SEPTIN4: variants seen among roughly 807,000 people sequenced by gnomAD.
SEPTIN4 encodes the protein septin-4.
A neutral mutation model predicts 107.1 loss-of-function variants in SEPTIN4; 52 were observed. The ratio of observed to expected loss-of-function variants is 0.49; its 90% confidence interval spans 0.39 to 0.61. SEPTIN4 has a LOEUF of 0.61. SEPTIN4 is among the 20% of genes least tolerant of loss of function. The pLI, the probability that SEPTIN4 is intolerant of heterozygous loss-of-function variation, is 0.00. For missense variants in SEPTIN4, 1,048 were observed against 1,243.5 expected, an observed-to-expected ratio of 0.84 and a Z score of 2.36; for synonymous variants, 417 against 467.0, an observed-to-expected ratio of 0.89 and a Z score of 1.38.
At chr17:58,529,487 C>T in intron 3 of SEPTIN4, 1 of 1,267,132 alleles carries the variant, frequency 7.9e-7, no homozygotes, top group Non-Finnish European at 1.0e-6. Flanking sequence ...ATGACGCCTG[C>T]CTGCTGCCTA....
Position 58,521,500 on chromosome 17 carries a change from C to T in SEPTIN4, c.2571+45G>A. 1 of 1,604,060 alleles carries T rather than the reference C, an allele frequency of 6.2e-7. No homozygotes were observed. Among genetic ancestry groups the T allele is most frequent in the Non-Finnish European group, 8.5e-7 (1 of 1,171,856 alleles). On this transcript the variant is annotated intron_variant, in intron 10 of 13. Coordinates refer to ENST00000672673, the MANE Select transcript of SEPTIN4 (RefSeq NM_001368771.2). The surrounding 1 kb of genome is among the most constrained non-coding windows in gnomAD (Gnocchi z 6.4). ...ATAGAATTCTACTCCCTTTTTCTAC[C>T]CGGAAGAAATAAGATAGGAATGGGA... is the stretch of plus-strand genomic sequence containing the variant.
In SEPTIN4 at chr17:58,525,140, C is replaced by A; in HGVS notation, c.2154G>T (p.Val718=). Residue 718 remains valine (V), a synonymous_variant, in exon 7 of 14, where the codon GTG becomes GTT. Coordinates refer to ENST00000672673, the MANE Select transcript of SEPTIN4 (RefSeq NM_001368771.2). ...KHAVDIEEKG[V]RLRLTIVDTP... ...TGTCCACAATGGTGAGCCGCAGCCT[C>A]ACACCCTTCTCTTCTATGTCCACTG... 1 of 1,614,224 alleles carries A rather than the reference C, an allele frequency of 6.2e-7. No individual in the cohort carries two copies. Among genetic ancestry groups the A allele is most frequent in the Non-Finnish European group, 8.5e-7 (1 of 1,180,046 alleles).
chr17:58,528,743 TG>T, intron 3 of SEPTIN4, among the ~76,000 whole-genome samples: 1 of 152,320 alleles, frequency 6.6e-6, no homozygotes, highest in Admixed American at 6.5e-5. Flanking sequence ...GCCGTTGGTC[TG>T]GGGGTCAGGA....
At position 58,542,728 on chromosome 17, in the gene SEPTIN4, G is replaced by C; in HGVS notation, c.1459C>G (p.Pro487Ala). 1 of 1,614,170 alleles carries C rather than the reference G, an allele frequency of 6.2e-7. No individual in the cohort carries two copies. The highest frequency in any genetic ancestry group is 8.5e-7 in the Non-Finnish European group (1 of 1,180,002). The change falls in exon 1 of 14, where the codon CCA becomes GCA. Residue 487 changes from proline to alanine, a missense_variant. Around this residue, in one of 2 missense-constraint regions of SEPTIN4, gnomAD observed 787 missense variants for 871.8 expected, o/e 0.90. Transcript: ENST00000672673. ...GCCCAACTTGGAAACTCCTTTGGTG[G>C]TGATGGTGGTGATAGGCTTGCCTTC... ...REKASLSPPS[P>A]PKEFPSWAPL...
chr17:58,521,500 C>G lies in SEPTIN4; in HGVS notation c.2571+45G>C, dbSNP rs756510928. 10 of 1,603,942 alleles carry G rather than the reference C, an allele frequency of 6.2e-6. No individual in the cohort carries two copies. Among genetic ancestry groups the G allele is most frequent in the Non-Finnish European group, 7.7e-6 (9 of 1,171,864 alleles). On this transcript the variant is annotated intron_variant, in intron 10 of 13. Coordinates refer to ENST00000672673, the MANE Select transcript of SEPTIN4 (RefSeq NM_001368771.2). This position sits in a 1 kb window ranked among gnomAD's most constrained non-coding sequence, Gnocchi z 6.4. Reference sequence around the variant, plus strand: ...ATAGAATTCTACTCCCTTTTTCTACCCGGAAGAAATAAGATAGGAATGGGA... The same window carrying G: ...ATAGAATTCTACTCCCTTTTTCTACGCGGAAGAAATAAGATAGGAATGGGA...
chr17:58,529,691 GTC>G (rs1210863755), intron 3 of SEPTIN4: 1 of 166,046 alleles, frequency 6.0e-6, no homozygotes, highest in Admixed American at 5.8e-5. Flanking sequence ...CAATCCCCCA[GTC>G]TCTCTTTCAC....
At chr17:58,527,317 G>T (rs2043023992) in intron 3 of SEPTIN4, 2 of 467,610 alleles carry the variant, frequency 4.3e-6, no homozygotes, top group African/African-American at 4.0e-5. Flanking sequence ...CTTTCCTGGG[G>T]TTCTGGCCTA....
chr17:58,536,674 C>T (rs767204359), intron 3 of SEPTIN4, among the ~76,000 whole-genome samples: 1 of 152,240 alleles, frequency 6.6e-6, no homozygotes, highest in Non-Finnish European at 1.5e-5. Flanking sequence ...AACTGCCTCA[C>T]ATTCTGTCCC....
At chr17:58,531,881 C>T (rs1039076893) in intron 3 of SEPTIN4, 2 of 1,103,398 alleles carry the variant, frequency 1.8e-6, no homozygotes, top group African/African-American at 3.3e-5. Context: ...GCCGCGGGTC[C>T]CCTTGCAGCC....
intron 7 of SEPTIN4, among the ~76,000 whole-genome samples, 186 bp from the exon 8 acceptor site, chr17:58,522,287 C>A (rs567217340): frequency 9.9e-5 from 15 of 152,188 alleles, no homozygotes; most frequent in Non-Finnish European, 2.2e-4. Flanking sequence ...TGTCCTGATA[C>A]AAAATTAGAC....
At position 58,526,842 on chromosome 17, in the gene SEPTIN4, G is replaced by A. The variant is rs777662111; in HGVS notation, c.1751C>T (p.Pro584Leu). Residue 584 changes from proline (P) to leucine (L), a missense_variant, in exon 4 of 14, where the codon CCC becomes CTC. Physicochemically the swap from Pro to Leu is moderately conservative, Grantham distance 98. This residue lies in a region of SEPTIN4 where 787 missense variants were observed against 871.8 expected (regional missense o/e 0.90). Coordinates refer to ENST00000672673, the MANE Select transcript of SEPTIN4 (RefSeq NM_001368771.2). ...ATCATCATAGAGGTCCGGGGCCTGG[G>A]GCCTTGGCTCCGGGACTTGGGGCCT... ...ASRPQVPEPR[P>L]QAPDLYDDDL... 3 of 1,613,622 alleles carry A rather than the reference G, an allele frequency of 1.9e-6. No individual in the cohort carries two copies. The highest frequency in any genetic ancestry group is 2.5e-6 in the Non-Finnish European group (3 of 1,179,932).
At position 58,520,848 on chromosome 17, in the gene SEPTIN4, G is replaced by C; in HGVS notation, c.2832-6C>G. ...CACTTTCCCGAGTCAGTTTGCTAAA[G>C]GGAGAAAAGGGTTGATAAGGCGAGG... On this transcript the variant is annotated splice_polypyrimidine_tract_variant and splice_region_variant and intron_variant, in intron 12 of 13. Coordinates refer to ENST00000672673, the MANE Select transcript of SEPTIN4 (RefSeq NM_001368771.2). 6.3e-7 allele frequency: 1 copy of C among 1,590,094 alleles called. No individual in the cohort carries two copies. Among genetic ancestry groups the C allele is most frequent in the South Asian group, 1.1e-5 (1 of 90,142 alleles).
At chr17:58,531,535 G>C (rs2144196142) in intron 3 of SEPTIN4, 1 of 153,624 alleles carries the variant, frequency 6.5e-6, no homozygotes, top group East Asian at 1.9e-4. Flanking sequence ...TTTTCCAAAT[G>C]AAGTTGGTAC....
intron 3 of SEPTIN4, chr17:58,532,099 G>T (rs1389599651): frequency 3.7e-6 from 4 of 1,069,106 alleles, no homozygotes. Context: ...GGGGCCCGGC[G>T]GCGGGGGCGG....
rs190695387 is a variant in SEPTIN4, at chr17:58,544,108, G to A, written c.79C>T (p.Pro27Ser). 4 of 1,614,108 alleles carry A rather than the reference G, an allele frequency of 2.5e-6. No individual in the cohort carries two copies. The African/African-American group carries it at 5.3e-5, about 22-fold the overall frequency. Residue 27 changes from proline to serine, a missense_variant, in exon 1 of 14, where the codon CCT becomes TCT. By Grantham distance (74) the Pro-to-Ser change is moderately conservative. Transcript: ENST00000672673. ...AGAACGTACCCATGTCCCTGCTGAG[G>A]GGATGTGTTAGTAGTAACCTCAGAC... Reference protein sequence around the residue: ...RGSEVTTNTSPQQGHGYVLAS... With the variant: ...RGSEVTTNTSSQQGHGYVLAS...
Position 58,521,542 on chromosome 17 carries a change from C to CA in SEPTIN4, c.2571+2dup, listed in dbSNP as rs1247045851. The CA allele has an allele frequency of 1.2e-6, 2 of 1,614,132 alleles. No individual in the cohort carries two copies. Among genetic ancestry groups the CA allele is most frequent in the Admixed American group, 1.7e-5 (1 of 60,030 alleles). ...GGAATGGGATGCCCTAGAGTGGCCCCACCTTTAGGGCTTGGTCCTGCAATT... is the reference window on the plus strand; with the variant it reads ...GGAATGGGATGCCCTAGAGTGGCCCCAACCTTTAGGGCTTGGTCCTGCAATT... On this transcript the variant is annotated splice_region_variant and intron_variant, in intron 10 of 13. Transcript: ENST00000672673. This position sits in a 1 kb window ranked among gnomAD's most constrained non-coding sequence, Gnocchi z 6.4.
rs763911322 is a variant in SEPTIN4 at position 58,543,113 on chromosome 17, G to A, written c.1074C>T (p.Gly358=). The change falls in exon 1 of 14, where the codon GGC becomes GGT. Residue 358 remains glycine, a synonymous_variant. Transcript: ENST00000672673. The part of the protein sequence containing the change: ...HHVTVPSVSE[G]SHKSSMFVTP... ...TAACAAACATGGATGACTTGTGGGA[G>A]CCCTCAGACACTGATGGAACTGTCA... 11 of 1,612,242 alleles carry A rather than the reference G, an allele frequency of 6.8e-6. No individual in the cohort carries two copies. Among genetic ancestry groups the A allele is most frequent in the Non-Finnish European group, 9.3e-6 (11 of 1,178,976 alleles).
intron 7 of SEPTIN4, among the ~76,000 whole-genome samples, chr17:58,522,654 CA>C (rs1233539293): frequency 0.036 from 1,874 of 52,656 alleles, 24 homozygotes; most frequent in African/African-American, 0.1. Flanking sequence ...CAGACTGTCA[CA>C]AAAAAAAAAA....
chr17:58,521,873 G>A lies in SEPTIN4; in HGVS notation c.2352-20C>T, dbSNP rs952529374. 3.7e-6 allele frequency: 6 copies of A among 1,614,214 alleles called. No individual in the cohort carries two copies. The East Asian group carries it at 1.3e-4, about 36-fold the overall frequency. ...CGGAGCCTGGGGAACAGGAACCTGT[G>A]ACCACCTGCTAGTGGCAGCCCTGCC... On this transcript the variant is annotated intron_variant, in intron 8 of 13. Coordinates refer to ENST00000672673, the MANE Select transcript of SEPTIN4 (RefSeq NM_001368771.2). This position sits in a 1 kb window ranked among gnomAD's most constrained non-coding sequence, Gnocchi z 6.4.
Sources: gnomAD v4.1 joint callset for allele counts (sites outside exome capture counted in the v4.1 genomes callset) on GRCh38, gnomAD v4.1.1 for gene constraint, gnomAD v4.1.1 regional missense constraint, Gnocchi (gnomAD v3.1) non-coding constraint, MANE v1.5 for transcripts, NCBI Gene and HGNC (gene_info 2026-07-23, HGNC 2026-07-21) for gene names.